The following CNTNAP2 variants were observed in gnomAD, a reference collection of about 807,000 sequenced individuals.
CNTNAP2 encodes the protein contactin associated protein 2.
A neutral mutation model predicts 155.2 loss-of-function variants in CNTNAP2; 98 were observed. The observed-to-expected ratio is 0.63, with a 90% CI of 0.54 to 0.75. CNTNAP2 has a LOEUF of 0.75. Among genes scored for constraint, CNTNAP2 ranks in the 30% least tolerant of loss-of-function variants. The pLI, the probability that CNTNAP2 is intolerant of heterozygous loss-of-function variation, is 0.00. For synonymous variants in CNTNAP2, 651 were observed against 631.2 expected, an observed-to-expected ratio of 1.03 and a Z score of -0.47; for missense variants, 1,727 against 1,688.1, an observed-to-expected ratio of 1.02 and a Z score of -0.40.
At chr7:147,822,601 C>T (rs1021329871) in intron 13 of CNTNAP2, among the ~76,000 whole-genome samples, 1 of 152,074 alleles carries the variant, frequency 6.6e-6, no homozygotes, top group Non-Finnish European at 1.5e-5. Flanking sequence ...TCTCGTGTTC[C>T]TTTATCCACC....
intron 1 of CNTNAP2, among the ~76,000 whole-genome samples, chr7:146,609,197 C>G (rs1238942023): frequency 6.6e-6 from 1 of 152,098 alleles, no homozygotes; most frequent in African/African-American, 2.4e-5. Context: ...CAAAAAGCAC[C>G]TAGTGTTGCA....
chr7:146,931,232 C>A (rs903140832), intron 3 of CNTNAP2, among the ~76,000 whole-genome samples: 1 of 152,130 alleles, frequency 6.6e-6, no homozygotes, highest in Non-Finnish European at 1.5e-5. Context: ...TTATAACAAA[C>A]TGTCTCTCAG....
intron 3 of CNTNAP2, among the ~76,000 whole-genome samples, chr7:146,939,871 T>C (rs1309332493): frequency 6.7e-6 from 1 of 149,950 alleles, no homozygotes; most frequent in Non-Finnish European, 1.5e-5. Flanking sequence ...ATTTCTTTCT[T>C]AACTTGGCAC....
At chr7:147,559,007 A>G (rs1457929230) in intron 11 of CNTNAP2, among the ~76,000 whole-genome samples, 1 of 152,156 alleles carries the variant, frequency 6.6e-6, no homozygotes, top group Non-Finnish European at 1.5e-5. Context: ...AAGTGCTGGG[A>G]TTACAGGCGT....
At chr7:148,331,286 G>A (rs1798003056) in intron 21 of CNTNAP2, among the ~76,000 whole-genome samples, 1 of 150,372 alleles carries the variant, frequency 6.7e-6, no homozygotes, top group Non-Finnish European at 1.5e-5. Flanking sequence ...CGGATGGAGT[G>A]GATGGATGGA....
intron 14 of CNTNAP2, among the ~76,000 whole-genome samples, chr7:147,967,689 A>G (rs1042756286): frequency 2.0e-5 from 3 of 152,188 alleles, no homozygotes; most frequent in Non-Finnish European, 4.4e-5. Context: ...GTGTAGGACT[A>G]CAAAGTCTTG....
chr7:147,743,362 C>A (rs187323470), intron 13 of CNTNAP2, among the ~76,000 whole-genome samples: 1 of 152,288 alleles, frequency 6.6e-6, no homozygotes. Flanking sequence ...TGTAGAGAAG[C>A]TCATCTTTGA....
chr7:147,603,312 T>C (rs1355743413), intron 12 of CNTNAP2, among the ~76,000 whole-genome samples: 13 of 152,194 alleles, frequency 8.5e-5, no homozygotes, highest in South Asian at 4.1e-4. Flanking sequence ...TTATATCCTT[T>C]GCCCACTTGT....
chr7:147,856,111 A>G (rs1006295034), intron 13 of CNTNAP2, among the ~76,000 whole-genome samples: 24 of 152,258 alleles, frequency 1.6e-4, no homozygotes, highest in Admixed American at 1.4e-3. Flanking sequence ...TGCTAACCCA[A>G]CGCAGAAACA....
intron 13 of CNTNAP2, among the ~76,000 whole-genome samples, chr7:147,794,759 A>G (rs578150303): frequency 9.9e-5 from 15 of 151,570 alleles, no homozygotes; most frequent in Non-Finnish European, 2.1e-4. Flanking sequence ...AAAACAATTA[A>G]TTCAATCTTA....
chr7:148,017,079 T>C (rs1002170961), intron 15 of CNTNAP2, among the ~76,000 whole-genome samples: 5 of 152,216 alleles, frequency 3.3e-5, no homozygotes, highest in African/African-American at 1.2e-4. Flanking sequence ...TGATAGATGG[T>C]CAGAATAAAT....
At chr7:146,679,881 TTC>T (rs1181930975) in intron 1 of CNTNAP2, among the ~76,000 whole-genome samples, 1 of 152,182 alleles carries the variant, frequency 6.6e-6, no homozygotes, top group African/African-American at 2.4e-5. Flanking sequence ...TTATAAGACA[TTC>T]TTTTTTTTAA....
intron 15 of CNTNAP2, among the ~76,000 whole-genome samples, chr7:147,985,869 C>A (rs1350080548): frequency 2.0e-5 from 3 of 152,108 alleles, no homozygotes; most frequent in African/African-American, 7.2e-5. Context: ...GCACTCATCA[C>A]CCCAAGCAGA....
chr7:147,868,333 T>C (rs1192979560), intron 13 of CNTNAP2, among the ~76,000 whole-genome samples: 2 of 152,318 alleles, frequency 1.3e-5, no homozygotes, highest in South Asian at 2.1e-4. Context: ...TGATCCTTCC[T>C]CTGGGAGCTT....
At chr7:147,093,008 G>A (rs1005916764) in intron 4 of CNTNAP2, among the ~76,000 whole-genome samples, 13 of 151,692 alleles carry the variant, frequency 8.6e-5, no homozygotes, top group Admixed American at 6.6e-4. Context: ...GGATCACGAC[G>A]TCAGGAGATC....
chr7:148,150,102 CAAAAA>C (rs71188948), intron 17 of CNTNAP2, among the ~76,000 whole-genome samples: 9 of 84,534 alleles, frequency 1.1e-4, no homozygotes, highest in East Asian at 6.4e-4. Context: ...GGGGTTGTTA[CAAAAA>C]AAAAAAAAAA....
At chr7:146,866,778 G>GC (rs1795213455) in intron 3 of CNTNAP2, among the ~76,000 whole-genome samples, 1 of 152,024 alleles carries the variant, frequency 6.6e-6, no homozygotes, top group African/African-American at 2.4e-5. Context: ...GGAAACATTT[G>GC]TCTATCAGTA....
At chr7:146,216,072 G>A (rs998090266) in intron 1 of CNTNAP2, among the ~76,000 whole-genome samples, 11 of 152,190 alleles carry the variant, frequency 7.2e-5, no homozygotes, top group African/African-American at 2.7e-4. Flanking sequence ...ATGTAGATGA[G>A]TGTCCATATG....
chr7:146,393,804 T>G (rs531865440), intron 1 of CNTNAP2, among the ~76,000 whole-genome samples: 1 of 152,248 alleles, frequency 6.6e-6, no homozygotes, highest in East Asian at 1.9e-4. Flanking sequence ...GGTGAATACA[T>G]AAAAATTTAT....
Sources: gnomAD v4.1 joint callset for allele counts (sites outside exome capture counted in the v4.1 genomes callset) on GRCh38, gnomAD v4.1.1 for gene constraint, MANE v1.5 for transcripts, NCBI Gene and HGNC (gene_info 2026-07-23, HGNC 2026-07-21) for gene names.